Variants in DCTD observed in about 807,000 individuals in gnomAD.
DCTD encodes dCMP deaminase.
A neutral mutation model predicts 21.0 loss-of-function variants in DCTD; 23 were observed. The ratio of observed to expected loss-of-function variants is 1.09; its 90% CI spans 0.79 to 1.55. The LOEUF is 1.55. Ranked by LOEUF, DCTD falls within the 40% of genes most tolerant of loss-of-function variation. The pLI is 0.00. For missense variants in DCTD, 224 were observed against 230.0 expected, an observed-to-expected ratio of 0.97 and a Z score of 0.17; for synonymous variants, 71 against 81.1, an observed-to-expected ratio of 0.88 and a Z score of 0.67.
chr4:182,899,949 CA>C lies in DCTD; in HGVS notation c.245-5345del, dbSNP rs555314442. On this transcript the variant is annotated intron_variant, in intron 3 of 5. Coordinates refer to ENST00000438320, the MANE Select transcript of DCTD (RefSeq NM_001921.3). ...CATTATACTTACCAGGTGAGCATCC[CA>C]AATCCAAACATTTGAAATCCAGAGT... is the stretch of plus-strand genomic sequence containing the variant. Among the ~76,000 whole-genome samples, 4 of 152,264 alleles carry C rather than the reference CA, an allele frequency of 2.6e-5. No homozygotes were observed. The East Asian group carries it at 7.7e-4, about 29-fold the overall frequency.
chr4:182,893,245 T>C (rs1039055594), intron 4 of DCTD, 118 bp from the exon 5 acceptor site: 1 of 719,694 alleles, frequency 1.4e-6, no homozygotes, highest in Non-Finnish European at 2.6e-6. Flanking sequence ...CTGAGTGTGC[T>C]TGCAGACAGT....
At chr4:182,910,266 A>C (rs1327845305) in intron 3 of DCTD, among the ~76,000 whole-genome samples, 1 of 152,210 alleles carries the variant, frequency 6.6e-6, no homozygotes, top group Non-Finnish European at 1.5e-5. Flanking sequence ...GGGCAGCTGG[A>C]TACATGTGGC....
At chr4:182,907,106 T>C (rs1736857394) in intron 3 of DCTD, among the ~76,000 whole-genome samples, 1 of 152,236 alleles carries the variant, frequency 6.6e-6, no homozygotes, top group Admixed American at 6.5e-5. Flanking sequence ...CATGTAATCA[T>C]ACATTTTCTT....
chr4:182,903,580 C>A (rs557278363), intron 3 of DCTD, among the ~76,000 whole-genome samples: 3 of 152,224 alleles, frequency 2.0e-5, no homozygotes, highest in African/African-American at 4.8e-5. Flanking sequence ...AAAATGACAG[C>A]GCAAAGGAAT....
chr4:182,893,150 C>T, intron 4 of DCTD, 23 bp from the exon 5 acceptor site: 1 of 1,424,670 alleles, frequency 7.0e-7, no homozygotes. Context: ...AATGGGAGCT[C>T]CCTTAGTGTA....
chr4:182,903,107 C>T (rs545054017), intron 3 of DCTD, among the ~76,000 whole-genome samples: 1 of 152,116 alleles, frequency 6.6e-6, no homozygotes. Flanking sequence ...CAGGGTCACA[C>T]GAACAGCAAG....
At chr4:182,915,341 A>G in intron 2 of DCTD, 120 bp downstream of exon 2, 2 of 775,166 alleles carry the variant, frequency 2.6e-6, no homozygotes, top group South Asian at 3.2e-5. Flanking sequence ...GCAGCACAAA[A>G]GGCAGACCGA....
chr4:182,905,665 G>A (rs145595722), intron 3 of DCTD, among the ~76,000 whole-genome samples: 2,041 of 151,962 alleles, frequency 0.013, 52 homozygotes, highest in African/African-American at 0.047. Flanking sequence ...CACCTTAAGC[G>A]CTGGAGCCCT....
chr4:182,917,174 C>T lies in DCTD; in HGVS notation c.-8+137G>A, dbSNP rs1431192684. 2.0e-6 allele frequency: 2 copies of T among 989,898 alleles called. No individual in the cohort carries two copies. Among genetic ancestry groups the T allele is most frequent in the African/African-American group, 3.5e-5 (2 of 57,186 alleles). 61.3% of individuals were successfully genotyped at this position (989,898 alleles called of 1,614,324 possible). On this transcript the variant is annotated intron_variant, in intron 1 of 5. Transcript: ENST00000438320. This position sits in a 1 kb window ranked among gnomAD's most constrained non-coding sequence, Gnocchi z 4.9. ...TCTCCGATCTAAAGGCTGAGCGCGG[C>T]CGAGGCGCCCCCAGCGTCCGCGGCC...
At chr4:182,900,447 G>T (rs1050667232) in intron 3 of DCTD, among the ~76,000 whole-genome samples, 3 of 152,108 alleles carry the variant, frequency 2.0e-5, no homozygotes, top group African/African-American at 7.2e-5. Context: ...GCACATTTTT[G>T]TTGTGTTGCC....
At chr4:182,897,068 C>T (rs1314844281) in intron 3 of DCTD, among the ~76,000 whole-genome samples, 1 of 152,172 alleles carries the variant, frequency 6.6e-6, no homozygotes, top group African/African-American at 2.4e-5. Flanking sequence ...ACGCTCACTG[C>T]CATGAGCTTC....
chr4:182,913,297 G>A (rs1738053905), intron 3 of DCTD, among the ~76,000 whole-genome samples: 1 of 152,156 alleles, frequency 6.6e-6, no homozygotes, highest in Non-Finnish European at 1.5e-5. Flanking sequence ...CTCCGACGAG[G>A]GAGGGTGAGG....
intron 3 of DCTD, among the ~76,000 whole-genome samples, chr4:182,899,879 G>A (rs1735427635): frequency 2.0e-5 from 3 of 152,104 alleles, no homozygotes; most frequent in African/African-American, 4.8e-5. Context: ...TATCCAAAAT[G>A]CTTAGGAGCA....
intron 3 of DCTD, among the ~76,000 whole-genome samples, chr4:182,902,693 C>T (rs1299947207): frequency 6.6e-6 from 1 of 151,992 alleles, no homozygotes; most frequent in East Asian, 1.9e-4. Context: ...GTTCTGGTTG[C>T]AAACTGGCCT....
intron 1 of DCTD, chr4:182,916,427 A>C: frequency 1.0e-6 from 1 of 985,618 alleles, no homozygotes; most frequent in Non-Finnish European, 1.2e-6. Context: ...ACCACGGAGA[A>C]ATCTTGAGAA....
chr4:182,915,153 A>G, intron 2 of DCTD, 95 bp from the exon 3 acceptor site: 1 of 1,480,328 alleles, frequency 6.8e-7, no homozygotes, highest in Admixed American at 1.7e-5. Context: ...GCAGAACTCA[A>G]AACAGACGCA....
chr4:182,915,516 T>C lies in DCTD; in HGVS notation c.53A>G (p.Tyr18Cys), dbSNP rs1738571315. ...KRDDYLEWPE[Y>C]FMAVAFLSAQ... is the part of the protein sequence containing the mutation. ...TGATAAGAAGGCCACAGCCATAAAA[T>C]ACTCTGGCCATTCCAAATAGTCGTC... The change falls in exon 2 of 6, where the codon TAT (tyrosine) becomes TGT (cysteine). Residue 18 changes from tyrosine to cysteine, a missense_variant. By Grantham distance (194) the Tyr-to-Cys change is radical. Coordinates refer to ENST00000438320, the MANE Select transcript of DCTD (RefSeq NM_001921.3). The C allele has an allele frequency of 1.9e-6, 3 of 1,614,004 alleles. No individual in the cohort carries two copies. Among genetic ancestry groups the C allele is most frequent in the African/African-American group, 2.7e-5 (2 of 75,048 alleles).
At chr4:182,899,330 T>C (rs531318480) in intron 3 of DCTD, among the ~76,000 whole-genome samples, 3 of 152,298 alleles carry the variant, frequency 2.0e-5, no homozygotes, top group Admixed American at 6.5e-5. Context: ...TTTTCCTGCC[T>C]TTGTGGGCAC....
chr4:182,899,431 CTTG>C (rs1432174462), intron 3 of DCTD, among the ~76,000 whole-genome samples: 9 of 138,582 alleles, frequency 6.5e-5, no homozygotes, highest in Non-Finnish European at 1.4e-4. Context: ...GAGTTTTGCT[CTTG>C]TTGTCCAGGC....
Sources: gnomAD v4.1 joint callset for allele counts (sites outside exome capture counted in the v4.1 genomes callset) on GRCh38, gnomAD v4.1.1 for gene constraint, Gnocchi (gnomAD v3.1) non-coding constraint, MANE v1.5 for transcripts, NCBI Gene and HGNC (gene_info 2026-07-23, HGNC 2026-07-21) for gene names.